SEPTIN8: variants seen among roughly 807,000 people sequenced by gnomAD.
SEPTIN8 encodes the protein septin 8.
Under a neutral mutation model 53.1 loss-of-function variants are expected in SEPTIN8, and 22 were observed. The ratio of observed to expected loss-of-function variants is 0.41; its 90% CI spans 0.30 to 0.59. The LOEUF (loss-of-function observed/expected upper bound fraction) is 0.59. SEPTIN8 is among the 20% of genes least tolerant of loss of function. SEPTIN8 has a pLI of 0.24. For synonymous variants in SEPTIN8, 228 were observed against 248.4 expected (o/e 0.92, Z 0.77); for missense variants, 536 against 638.7 (o/e 0.84, Z 1.73).
Position 132,751,167 on chromosome 5 carries a change from A to T in SEPTIN8, c.*849T>A. 1.6e-6 allele frequency: 1 copy of T among 619,982 alleles called. No individual in the cohort carries two copies. Among genetic ancestry groups the T allele is most frequent in the Non-Finnish European group, 2.6e-6 (1 of 385,740 alleles). The allele number at this position is 619,982 out of a possible 1,614,324, so 38.4% of individuals were successfully genotyped here. ...TACGGAAGAGTGAAAAGGTATCTTA[A>T]ATCCAACACAGTTCCACCAGACTCC... On this transcript the variant is annotated 3_prime_UTR_variant, in exon 10 of 10. Transcript: ENST00000378719.
At chr5:132,766,538 C>A (rs2149985006) in intron 1 of SEPTIN8, among the ~76,000 whole-genome samples, 1 of 152,348 alleles carries the variant, frequency 6.6e-6, no homozygotes, top group African/African-American at 2.4e-5. Context: ...CCAGGTTCAG[C>A]CCCTCTGGAG....
intron 1 of SEPTIN8, among the ~76,000 whole-genome samples, chr5:132,772,611 G>A (rs1469499378): frequency 6.6e-6 from 1 of 152,364 alleles, no homozygotes; most frequent in East Asian, 1.9e-4. Context: ...GAGGGAGAAT[G>A]TGGGCAGCAA....
Position 132,752,133 on chromosome 5 carries a change from A to T in SEPTIN8, c.1335T>A (p.Ser445=). The change falls in exon 10 of 10, where the codon TCT becomes TCA. Residue 445 remains serine, a synonymous_variant. Transcript: ENST00000378719. ...CACTGGCCTTGGTCATCATCACCTTAGAGCTGGAGAGGCTCATGCCCGGCT... is the reference window on the plus strand; with the variant it reads ...CACTGGCCTTGGTCATCATCACCTTTGAGCTGGAGAGGCTCATGCCCGGCT... ...AHQPGMSLSS[S]KVMMTKASVE... 6.3e-7 allele frequency: 1 copy of T among 1,597,918 alleles called. No homozygotes were observed. The highest frequency in any genetic ancestry group is 2.2e-5 in the East Asian group (1 of 44,552).
rs977328507 is a variant in SEPTIN8 at position 132,764,850 on chromosome 5, C to T, written c.152-431G>A. 5.3e-5 allele frequency among the ~76,000 whole-genome samples: 8 copies of T among 152,230 alleles called. No homozygotes were observed. In the East Asian group the frequency reaches 5.8e-4, roughly 11 times the overall value. ...CACCAGTGGCTCAACCCATGCGCCC[C>T]GGACAGCCCTAGCTCCACATGGCTT... On this transcript the variant is annotated intron_variant, in intron 2 of 9. Coordinates refer to ENST00000378719, the MANE Select transcript of SEPTIN8 (RefSeq NM_001098811.2).
chr5:132,774,111 C>T, intron 1 of SEPTIN8: 1 of 166,246 alleles, frequency 6.0e-6, no homozygotes. Flanking sequence ...TGGGTGCGGG[C>T]TCTCAATTCC....
At chr5:132,755,646 G>C (rs1210950154) in intron 9 of SEPTIN8, among the ~76,000 whole-genome samples, 1 of 152,202 alleles carries the variant, frequency 6.6e-6, no homozygotes, top group Non-Finnish European at 1.5e-5. Flanking sequence ...CCTGGCACTC[G>C]AATATTAGTA....
intron 9 of SEPTIN8, 109 bp from the exon 10 acceptor site, chr5:132,752,290 C>T: frequency 7.3e-7 from 1 of 1,373,116 alleles, no homozygotes; most frequent in Non-Finnish European, 9.7e-7. Flanking sequence ...CCCTTGTAGC[C>T]TCTGGAAAAT....
intron 9 of SEPTIN8, chr5:132,756,963 C>G: frequency 1.0e-6 from 1 of 985,412 alleles, no homozygotes; most frequent in Non-Finnish European, 1.2e-6. Flanking sequence ...AGGTCATGCT[C>G]TGACCCAACT....
Position 132,766,077 on chromosome 5 carries a change from C to T in SEPTIN8, c.31-548G>A, listed in dbSNP as rs559355850. On this transcript the variant is annotated intron_variant, in intron 1 of 9. Coordinates refer to ENST00000378719, the MANE Select transcript of SEPTIN8 (RefSeq NM_001098811.2). ...CCTTCTCTATCAGCTGGGCTCGTAG[C>T]CCTCCATGTTCACCCCTGCTCCTCA... 5.3e-5 allele frequency among the ~76,000 whole-genome samples: 8 copies of T among 152,338 alleles called. 1 individual carries two copies. The South Asian group carries it at 1.7e-3, about 32-fold the overall frequency.
upstream of SEPTIN8, among the ~76,000 whole-genome samples, chr5:132,778,772 A>T (rs891862659): frequency 6.6e-6 from 1 of 152,230 alleles, no homozygotes; most frequent in African/African-American, 2.4e-5. Context: ...TGTACTTAAA[A>T]TATAATATTA....
intron 9 of SEPTIN8, chr5:132,756,156 C>T: frequency 1.0e-6 from 1 of 985,454 alleles, no homozygotes; most frequent in Non-Finnish European, 1.2e-6. Flanking sequence ...CACACTTCCT[C>T]AGGCCTCGTA....
At chr5:132,777,723 G>A (rs1757931107), upstream of SEPTIN8, 2 of 985,502 alleles carry the variant, frequency 2.0e-6, no homozygotes, top group Non-Finnish European at 1.2e-6. The surrounding 1 kb of genome is among the most constrained non-coding windows in gnomAD (Gnocchi z 4.1). Flanking sequence ...GGGAGAGGCC[G>A]CGGCAGCCTA....
Position 132,750,889 on chromosome 5 carries a change from C to G in SEPTIN8, c.*1127G>C. 6.2e-7 allele frequency: 1 copy of G among 1,614,260 alleles called. No homozygotes were observed. Among genetic ancestry groups the G allele is most frequent in the South Asian group, 1.1e-5 (1 of 91,082 alleles). ...CACAAGTAAAAGACTTCACAAAGCA[C>G]TATGGCTCTGACTATTCCCCGAATG... On this transcript the variant is annotated 3_prime_UTR_variant, in exon 10 of 10. Coordinates refer to ENST00000378719, the MANE Select transcript of SEPTIN8 (RefSeq NM_001098811.2).
At chr5:132,767,979 AC>A (rs1561764131) in intron 1 of SEPTIN8, among the ~76,000 whole-genome samples, 1 of 150,108 alleles carries the variant, frequency 6.7e-6, no homozygotes, top group African/African-American at 2.5e-5. Context: ...ACACACACAC[AC>A]ACACACGCAG....
Position 132,773,730 on chromosome 5 carries a change from G to A in SEPTIN8, c.30+3378C>T, listed in dbSNP as rs1757535497. ...CTCCCTCCTCCTTGGCCCTGAGCTTGGTCTCCTCCTTGCCATCCTCTCTGT... is the reference window on the plus strand; with the variant it reads ...CTCCCTCCTCCTTGGCCCTGAGCTTAGTCTCCTCCTTGCCATCCTCTCTGT... On this transcript the variant is annotated intron_variant, in intron 1 of 9. Transcript: ENST00000378719. This position sits in a 1 kb window ranked among gnomAD's most constrained non-coding sequence, Gnocchi z 4.2. Among the ~76,000 whole-genome samples the A allele has an allele frequency of 1.3e-5, 2 of 152,178 alleles. No individual in the cohort carries two copies. Among genetic ancestry groups the A allele is most frequent in the South Asian group, 4.1e-4 (2 of 4,832 alleles).
At chr5:132,752,375 A>G (rs142243679) in intron 9 of SEPTIN8, among the ~76,000 whole-genome samples, 194 bp from the exon 10 acceptor site, 1 of 152,146 alleles carries the variant, frequency 6.6e-6, no homozygotes, top group Non-Finnish European at 1.5e-5. Context: ...TATGCACTTG[A>G]GATGGGACAT....
At position 132,756,865 on chromosome 5, in the gene SEPTIN8, G is replaced by A. The variant is rs1036366356; in HGVS notation, c.1286+3937C>T. The A allele has an allele frequency of 6.8e-5, 67 of 985,386 alleles. No homozygotes were observed. In the African/African-American group the frequency reaches 1.2e-3, roughly 17 times the overall value. 61.0% of individuals were successfully genotyped at this position (985,386 alleles called of 1,614,324 possible). On this transcript the variant is annotated intron_variant, in intron 9 of 9. Coordinates refer to ENST00000378719, the MANE Select transcript of SEPTIN8 (RefSeq NM_001098811.2). ...AGTCCTAGGTTGGCCCATGAACCAG[G>A]AATTCTCATTTCTTATGTATCCAAT...
At chr5:132,757,262 G>C in intron 9 of SEPTIN8, 2 of 985,396 alleles carry the variant, frequency 2.0e-6, no homozygotes, top group Non-Finnish European at 2.4e-6. Context: ...AGCATAAAAA[G>C]TTGAATTGTC....
intron 9 of SEPTIN8, chr5:132,757,258 A>C: frequency 1.0e-6 from 1 of 985,422 alleles, no homozygotes; most frequent in Admixed American, 6.1e-5. Context: ...TCATAGCATA[A>C]AAAGTTGAAT....
Sources: allele counts gnomAD v4.1 joint callset (sites outside exome capture counted in the v4.1 genomes callset), GRCh38; gene constraint gnomAD v4.1.1; non-coding constraint Gnocchi (gnomAD v3.1); transcripts MANE v1.5; gene names NCBI Gene and HGNC (gene_info 2026-07-23, HGNC 2026-07-21).